The following OSBP2 variants were observed in gnomAD, a reference collection of about 807,000 sequenced individuals.
OSBP2 encodes oxysterol-binding protein 2.
In OSBP2, 66 loss-of-function variants were observed where a neutral mutation model predicts 96.0. The observed-to-expected ratio is 0.69, with a 90% CI of 0.56 to 0.84. OSBP2 has a LOEUF of 0.84. OSBP2 is among the 40% of genes least tolerant of loss of function. The pLI is 0.00. For synonymous variants in OSBP2, 525 were observed against 520.9 expected (o/e 1.01, Z -0.11); for missense variants, 1,038 against 1,222.7 (o/e 0.85, Z 2.25).
intron 2 of OSBP2, among the ~76,000 whole-genome samples, chr22:30,788,236 G>A (rs1198469455): frequency 6.6e-6 from 1 of 152,170 alleles, no homozygotes; most frequent in African/African-American, 2.4e-5. Context: ...GTCTTCTCCT[G>A]CTGAGTAGGA....
chr22:30,723,605 G>T (rs377147233), intron 1 of OSBP2, among the ~76,000 whole-genome samples: 11 of 151,680 alleles, frequency 7.3e-5, no homozygotes, highest in African/African-American at 2.7e-4. Flanking sequence ...GTAGAGACGG[G>T]GTTTCACCAT....
At chr22:30,695,681 C>G in intron 1 of OSBP2, 128 bp downstream of exon 1, 42 of 1,471,988 alleles carry the variant, frequency 2.9e-5, no homozygotes, top group Non-Finnish European at 3.8e-5. Flanking sequence ...TGCATTCCAG[C>G]AGGCCAAGTC....
rs79742492 is a variant in OSBP2, at chr22:30,876,685, C to T, written c.1107+6003C>T. Reference sequence around the variant, plus strand: ...CTATGAGGGGCTGGGACAGGCCCTGCCAGTGGGGAGCCAGGATGGGAAAGG... The same window carrying T: ...CTATGAGGGGCTGGGACAGGCCCTGTCAGTGGGGAGCCAGGATGGGAAAGG... On this transcript the variant is annotated intron_variant, in intron 3 of 13. Transcript: ENST00000332585. Among the ~76,000 whole-genome samples, 148 of 152,282 alleles carry T rather than the reference C, an allele frequency of 9.7e-4. 1 individual carries two copies. In the East Asian group the frequency reaches 0.021, roughly 21 times the overall value.
At chr22:30,813,376 G>T (rs1489897556) in intron 2 of OSBP2, among the ~76,000 whole-genome samples, 2 of 151,834 alleles carry the variant, frequency 1.3e-5, no homozygotes, top group Admixed American at 1.3e-4. Context: ...CTTTCACCAT[G>T]TTGGCCAGGC....
chr22:30,884,873 C>T (rs1359713056), intron 3 of OSBP2, among the ~76,000 whole-genome samples: 1 of 152,234 alleles, frequency 6.6e-6, no homozygotes, highest in Non-Finnish European at 1.5e-5. Context: ...GATTCAGGGG[C>T]ATTCCTGGCA....
At chr22:30,888,405 AC>A in intron 5 of OSBP2, 65 bp downstream of exon 5, 1 of 969,606 alleles carries the variant, frequency 1.0e-6, no homozygotes, top group Non-Finnish European at 1.7e-6. Context: ...TGGTCTTTTC[AC>A]CAGCTATCTA....
chr22:30,887,341 G>T (rs2039834132), intron 3 of OSBP2, 85 bp from the exon 4 acceptor site: 1 of 1,145,352 alleles, frequency 8.7e-7, no homozygotes, highest in Admixed American at 1.9e-5. Context: ...CCTGTTTAAG[G>T]TGGAGTTGCT....
Position 30,905,817 on chromosome 22 carries a change from C to CGCCACCACCACCGCCACA in OSBP2, c.2376-18_2376-1dup, listed in dbSNP as rs2040321274. 1 of 1,610,376 alleles carries CGCCACCACCACCGCCACA rather than the reference C, an allele frequency of 6.2e-7. No individual in the cohort carries two copies. The highest frequency in any genetic ancestry group is 8.5e-7 in the Non-Finnish European group (1 of 1,179,020). On this transcript the variant is annotated intron_variant, in intron 12 of 13. Coordinates refer to ENST00000332585, the MANE Select transcript of OSBP2 (RefSeq NM_030758.4). Reference sequence around the variant, plus strand: ...CGGCTCACACCGCAGCCACCGCCACCGCCACCACCACCGCCACAGGGAGAA... The same window carrying CGCCACCACCACCGCCACA: ...CGGCTCACACCGCAGCCACCGCCACCGCCACCACCACCGCCACAGCCACCACCACCGCCACAGGGAGAA...
intron 2 of OSBP2, among the ~76,000 whole-genome samples, chr22:30,794,914 CT>C (rs74541007): frequency 0.016 from 2,319 of 143,274 alleles, 15 homozygotes; most frequent in Middle Eastern, 0.051. Context: ...TATATAACTA[CT>C]TTTTTTTTTT....
In OSBP2 at chr22:30,732,188, C is replaced by T. The variant is rs112416885; in HGVS notation, c.645-8973C>T. On this transcript the variant is annotated intron_variant, in intron 1 of 13. Transcript: ENST00000332585. The stretch of plus-strand genomic sequence containing the variant: ...GCGTGGTGACGGGTGCCTATAGTCC[C>T]AGCTACTCGGGAGGCTGAGACAGGA... Among the ~76,000 whole-genome samples, 402 of 152,226 alleles carry T rather than the reference C, an allele frequency of 2.6e-3. 1 individual carries two copies. The highest frequency in any genetic ancestry group is 9.1e-3 in the African/African-American group (376 of 41,524).
intron 2 of OSBP2, among the ~76,000 whole-genome samples, chr22:30,805,583 A>T (rs921805149): frequency 1.2e-4 from 18 of 152,200 alleles, no homozygotes; most frequent in Admixed American, 3.3e-4. Context: ...GCTCAATGTT[A>T]TTCTAAATAT....
intron 1 of OSBP2, among the ~76,000 whole-genome samples, chr22:30,733,680 A>G (rs1176438598): frequency 6.6e-6 from 1 of 152,210 alleles, no homozygotes; most frequent in Non-Finnish European, 1.5e-5. Flanking sequence ...CAATACAACT[A>G]TGTAAGTCGC....
chr22:30,779,568 C>T (rs991551714), intron 2 of OSBP2, among the ~76,000 whole-genome samples: 6 of 152,078 alleles, frequency 3.9e-5, no homozygotes, highest in Non-Finnish European at 7.4e-5. Flanking sequence ...GCGGTATGGT[C>T]ACCTAGCACA....
At chr22:30,764,757 A>G (rs1400374871) in intron 2 of OSBP2, among the ~76,000 whole-genome samples, 3 of 152,210 alleles carry the variant, frequency 2.0e-5, no homozygotes. Flanking sequence ...ATATAGGTGC[A>G]TTCAAGCTAT....
intron 12 of OSBP2, among the ~76,000 whole-genome samples, chr22:30,905,428 C>T (rs558718779): frequency 1.6e-4 from 25 of 151,792 alleles, no homozygotes; most frequent in African/African-American, 5.8e-4. Flanking sequence ...AGGCGTGAGC[C>T]ACCGTGCCCA....
chr22:30,857,131 G>A (rs567763503), intron 2 of OSBP2, among the ~76,000 whole-genome samples: 3 of 152,206 alleles, frequency 2.0e-5, no homozygotes, highest in African/African-American at 7.2e-5. Context: ...ACCAGCCGAC[G>A]GTAGTGACTG....
At chr22:30,694,845 G>GCCCCGCCCCCGGCCTGCC (rs1290789188), upstream of OSBP2, 5 of 722,998 alleles carry the variant, frequency 6.9e-6, no homozygotes, top group African/African-American at 9.5e-5. Flanking sequence ...TGCGCCCCCG[G>GCCCCGCCCCCGGCCTGCC]CCCCGCCCCC....
chr22:30,702,839 T>C (rs1351963487), intron 1 of OSBP2, among the ~76,000 whole-genome samples: 1 of 152,218 alleles, frequency 6.6e-6, no homozygotes, highest in African/African-American at 2.4e-5. Flanking sequence ...ATCTTCTTTG[T>C]ATTCCACATA....
At chr22:30,891,910 T>C (rs1430962975) in intron 8 of OSBP2, among the ~76,000 whole-genome samples, 1 of 152,150 alleles carries the variant, frequency 6.6e-6, no homozygotes, top group Non-Finnish European at 1.5e-5. Context: ...AGGCAGATAC[T>C]GTGGCTGCTT....
Sources: allele counts gnomAD v4.1 joint callset (sites outside exome capture counted in the v4.1 genomes callset), GRCh38; gene constraint gnomAD v4.1.1; transcripts MANE v1.5; gene names NCBI Gene and HGNC (gene_info 2026-07-23, HGNC 2026-07-21).